ZNF131: variants seen among roughly 807,000 people sequenced by gnomAD.
ZNF131 encodes zinc finger protein 131.
ZNF131 carries 7 observed loss-of-function variants against 60.0 expected under a neutral mutation model. The ratio of observed to expected loss-of-function variants is 0.12; its 90% CI spans 0.07 to 0.22. ZNF131 has a LOEUF of 0.22. Ranked by LOEUF, ZNF131 falls within the 10% of genes least tolerant of loss-of-function variation. The pLI is 1.00. For missense variants in ZNF131, 493 were observed against 740.9 expected (o/e 0.67, Z 3.88); for synonymous variants, 257 against 253.2 (o/e 1.01, Z -0.14).
intron 4 of ZNF131, among the ~76,000 whole-genome samples, chr5:43,160,638 A>G (rs187295119): frequency 6.6e-6 from 1 of 150,616 alleles, no homozygotes; most frequent in East Asian, 2.0e-4. Context: ...TCCCATACAC[A>G]TAATTGTTCT....
Position 43,152,601 on chromosome 5 carries a change from G to T in ZNF131, c.372-8648G>T, listed in dbSNP as rs528353120. ...CTAGGGGCAGTTCTGAAAGACAAAG[G>T]TGGTTTGTTTTGTTTTGTTTTTGGA... is the stretch of plus-strand genomic sequence containing the variant. On this transcript the variant is annotated intron_variant, in intron 4 of 6. Coordinates refer to ENST00000682664, the MANE Select transcript of ZNF131 (RefSeq NM_001330707.2). Among the ~76,000 whole-genome samples, 383 of 152,046 alleles carry T rather than the reference G, an allele frequency of 2.5e-3. 1 individual carries two copies. Among genetic ancestry groups the T allele is most frequent in the South Asian group, 6.2e-3 (30 of 4,816 alleles).
In ZNF131 at chr5:43,126,080, GTGGAGAAAGCCCTGGGCA is replaced by G. The variant is rs563005376; in HGVS notation, c.226+2772_226+2789del. Among the ~76,000 whole-genome samples, 628 of 152,354 alleles carry G rather than the reference GTGGAGAAAGCCCTGGGCA, an allele frequency of 4.1e-3. 3 individuals carry two copies. Among genetic ancestry groups the G allele is most frequent in the Middle Eastern group, 0.02 (6 of 294 alleles). On this transcript the variant is annotated intron_variant, in intron 3 of 6. Coordinates refer to ENST00000682664, the MANE Select transcript of ZNF131 (RefSeq NM_001330707.2). ...TACTGTCTAGCAAGGTCACCTGGCT[GTGGAGAAAGCCCTGGGCA>G]TATAGTTAGTTAGAAAACTTGAGTT...
At chr5:43,170,364 A>T (rs1176786023) in intron 5 of ZNF131, among the ~76,000 whole-genome samples, 1 of 152,194 alleles carries the variant, frequency 6.6e-6, no homozygotes, top group African/African-American at 2.4e-5. Context: ...TTTAAGCGTG[A>T]GGCTCACATC....
chr5:43,148,770 G>A (rs1579814073), intron 4 of ZNF131, among the ~76,000 whole-genome samples: 1 of 152,098 alleles, frequency 6.6e-6, no homozygotes, highest in Admixed American at 6.5e-5. Context: ...AATATAAGCT[G>A]CACATATTAA....
rs199798066 is a variant in ZNF131, at chr5:43,174,868, C to G, written c.1607C>G (p.Thr536Ser). ...GGCCGAATTCAGACTGAAGAAGGTA[C>G]TGAAGTACATGTAGAGGAGCTGCAT... ...EVGRIQTEEG[T>S]EVHVEELHVE... The change falls in exon 7 of 7, where the codon ACT becomes AGT. Residue 536 changes from threonine (T) to serine (S), a missense_variant. Thr to Ser is a moderately conservative substitution (Grantham distance 58). This residue lies in a region of ZNF131 where 202 missense variants were observed against 221.3 expected (regional missense o/e 0.91). Transcript: ENST00000682664. 791 of 1,614,002 alleles carry G rather than the reference C, an allele frequency of 4.9e-4. No individual in the cohort carries two copies. Among genetic ancestry groups the G allele is most frequent in the Non-Finnish European group, 6.1e-4 (715 of 1,180,042 alleles).
At chr5:43,143,772 T>G (rs1459697464) in intron 4 of ZNF131, among the ~76,000 whole-genome samples, 1 of 152,066 alleles carries the variant, frequency 6.6e-6, no homozygotes, top group African/African-American at 2.4e-5. Context: ...TGCTTTAGCC[T>G]TTACTTCCTG....
At chr5:43,123,391 A>G in intron 3 of ZNF131, 81 bp downstream of exon 3, 1 of 1,234,496 alleles carries the variant, frequency 8.1e-7, no homozygotes, top group East Asian at 2.5e-5. Context: ...TACAATACTT[A>G]GCAAACAATT....
chr5:43,162,597 AAAAAAAAAGAAAAG>A (rs1442860862), intron 5 of ZNF131, among the ~76,000 whole-genome samples: 1 of 143,804 alleles, frequency 7.0e-6, no homozygotes, highest in Non-Finnish European at 1.5e-5. Flanking sequence ...ATCTTAAAAA[AAAAAAAAAGAAAAG>A]AAAAAAAAGC....
intron 4 of ZNF131, among the ~76,000 whole-genome samples, chr5:43,144,252 T>C (rs2330088): frequency 2.0e-4 from 25 of 127,440 alleles, no homozygotes; most frequent in Non-Finnish European, 3.5e-4. Context: ...TTTTTTTTTT[T>C]TTTTTTTTTT....
At chr5:43,121,310 C>T (rs1405725435) in intron 1 of ZNF131, among the ~76,000 whole-genome samples, 187 bp downstream of exon 1, 1 of 152,202 alleles carries the variant, frequency 6.6e-6, no homozygotes, top group Admixed American at 6.5e-5. Flanking sequence ...AGGTTCCCAG[C>T]TTCTGGCCCT....
rs145587167 is a variant in ZNF131, at chr5:43,135,716, G to A, written c.227-3449G>A. On this transcript the variant is annotated intron_variant, in intron 3 of 6. Coordinates refer to ENST00000682664, the MANE Select transcript of ZNF131 (RefSeq NM_001330707.2). The stretch of plus-strand genomic sequence containing the variant: ...AGCCTGGGCGACAGAGCGAGACTCC[G>A]TCTCAAAAAAGAAAAAAGAAACTAA... 7.2e-3 allele frequency among the ~76,000 whole-genome samples: 1,100 copies of A among 152,240 alleles called. 6 individuals are homozygous for A. The highest frequency in any genetic ancestry group is 8.9e-3 in the Non-Finnish European group (605 of 68,010).
intron 3 of ZNF131, among the ~76,000 whole-genome samples, chr5:43,135,036 T>C (rs579363): frequency 0.27 from 40,161 of 147,194 alleles, 5,875 homozygotes; most frequent in East Asian, 0.63. Flanking sequence ...TTTGCTCTTG[T>C]TGCCCCGGCT....
chr5:43,152,681 A>T (rs1331722434), intron 4 of ZNF131, among the ~76,000 whole-genome samples: 1 of 152,116 alleles, frequency 6.6e-6, no homozygotes, highest in South Asian at 2.1e-4. Context: ...ATCACAGCTC[A>T]CTGCAGCTGT....
intron 4 of ZNF131, among the ~76,000 whole-genome samples, chr5:43,141,779 A>G (rs952094341): frequency 6.6e-5 from 10 of 151,802 alleles, no homozygotes; most frequent in Admixed American, 2.0e-4. Context: ...AAAAAAAAAA[A>G]AACTGGAATT....
rs376897708 is a variant in ZNF131, at chr5:43,139,184, T to C, written c.246T>C (p.Phe82=). ...VEIEGVSKMA[F]RHLIEFTYTA... ...TTACAGGTGTTAGTAAAATGGCCTT[T>C]CGCCATTTAATTGAGTTCACATATA... The change falls in exon 4 of 7, where the codon TTT becomes TTC. Residue 82 remains phenylalanine, a synonymous_variant. Transcript: ENST00000682664. 1.9e-6 allele frequency: 3 copies of C among 1,601,202 alleles called. No homozygotes were observed. Among genetic ancestry groups the C allele is most frequent in the African/African-American group, 2.7e-5 (2 of 74,370 alleles).
chr5:43,143,172 G>A (rs1208143230), intron 4 of ZNF131, among the ~76,000 whole-genome samples: 1 of 151,810 alleles, frequency 6.6e-6, no homozygotes, highest in Admixed American at 6.6e-5. Flanking sequence ...ACAGGCACAC[G>A]CCACCACGCC....
In ZNF131 at chr5:43,159,695, CA is replaced by C. The variant is rs35599400; in HGVS notation, c.372-1536del. ...GGGCCACAAGAGAGATACTCTGTCT[CA>C]AAAAAAAAAAAAAAAAACCAAACAA... On this transcript the variant is annotated intron_variant, in intron 4 of 6. Transcript: ENST00000682664. Among the ~76,000 whole-genome samples, 792 of 93,340 alleles carry C rather than the reference CA, an allele frequency of 8.5e-3. 2 individuals are homozygous for C. The highest frequency in any genetic ancestry group is 0.032 in the African/African-American group (659 of 20,580). The allele number at this position is 93,340 out of a possible 152,430, so 61.2% of individuals were successfully genotyped here.
At chr5:43,155,864 G>C (rs905167687) in intron 4 of ZNF131, among the ~76,000 whole-genome samples, 6 of 152,154 alleles carry the variant, frequency 3.9e-5, no homozygotes, top group Non-Finnish European at 8.8e-5. Context: ...AGCAACCCCT[G>C]CTGATGGAGG....
intron 1 of ZNF131, 113 bp from the exon 2 acceptor site, chr5:43,121,926 C>T (rs2112079226): frequency 3.4e-6 from 4 of 1,190,682 alleles, no homozygotes; most frequent in East Asian, 5.6e-5. Flanking sequence ...CTTGCTTCAC[C>T]CTCCCCCCTT....
Sources: gnomAD v4.1 joint callset for allele counts (sites outside exome capture counted in the v4.1 genomes callset) on GRCh38, gnomAD v4.1.1 for gene constraint, gnomAD v4.1.1 regional missense constraint, MANE v1.5 for transcripts, NCBI Gene and HGNC (gene_info 2026-07-23, HGNC 2026-07-21) for gene names.